CACNA2D3: variants seen among roughly 807,000 people sequenced by gnomAD.
The protein encoded by CACNA2D3 is voltage-dependent calcium channel subunit alpha-2/delta-3.
A neutral mutation model predicts 160.6 loss-of-function variants in CACNA2D3; 60 were observed. The ratio of observed to expected loss-of-function variants is 0.37; its 90% confidence interval spans 0.30 to 0.46. The LOEUF (loss-of-function observed/expected upper bound fraction) is 0.46, where lower values mean the gene tolerates loss of function less well. Ranked by LOEUF, CACNA2D3 falls within the 20% of genes least tolerant of loss-of-function variation. The probability of loss-of-function intolerance (pLI) is 1.00; values close to 1 mark genes in which losing one functional copy is unlikely to be tolerated. For synonymous variants in CACNA2D3, 558 were observed against 492.9 expected, an observed-to-expected ratio of 1.13 and a Z score of -1.75; for missense variants, 1,205 against 1,365.0, an observed-to-expected ratio of 0.88 and a Z score of 1.85.
At chr3:54,567,364 T>G (rs1480254842) in intron 6 of CACNA2D3, among the ~76,000 whole-genome samples, 1 of 152,174 alleles carries the variant, frequency 6.6e-6, no homozygotes, top group Non-Finnish European at 1.5e-5. Context: ...AGGAAGGAAT[T>G]GGGCAGAACT....
At position 54,846,398 on chromosome 3, in the gene CACNA2D3, G is replaced by A. The variant is rs531747910; in HGVS notation, c.1557G>A (p.Gly519=). ...TTTCTTGCTTCCTCTTACAGTTAGGGATTCACGGTTATGCCTTTGCAATCA... is the reference window on the plus strand; with the variant it reads ...TTTCTTGCTTCCTCTTACAGTTAGGAATTCACGGTTATGCCTTTGCAATCA... ...LLKTIPKYKL[G]IHGYAFAITN... is the part of the protein sequence containing the mutation. Residue 519 remains glycine, a synonymous_variant, in exon 17 of 38, where the codon GGG becomes GGA. Transcript: ENST00000474759. 1.9e-6 allele frequency: 3 copies of A among 1,602,904 alleles called. No homozygotes were observed. The African/African-American group carries it at 4.0e-5, about 21-fold the overall frequency.
chr3:54,163,229 T>G (rs1033390155), intron 2 of CACNA2D3, among the ~76,000 whole-genome samples: 2 of 152,220 alleles, frequency 1.3e-5, no homozygotes, highest in African/African-American at 4.8e-5. Flanking sequence ...TATACTGCAG[T>G]AACAACCAAA....
Position 54,414,822 on chromosome 3 carries a change from A to G in CACNA2D3, c.381+28048A>G, listed in dbSNP as rs17053980. On this transcript the variant is annotated intron_variant, in intron 4 of 37. Coordinates refer to ENST00000474759, the MANE Select transcript of CACNA2D3 (RefSeq NM_018398.3). ...TTAACTTTTTTTTTTTTTTTTTCCA[A>G]CTGGGCTTTCTCAGAGCCTGGGGAT... Among the ~76,000 whole-genome samples the G allele has an allele frequency of 9.9e-3, 1,458 of 146,716 alleles. 25 individuals carry two copies. The highest frequency in any genetic ancestry group is 0.034 in the African/African-American group (1,359 of 39,772).
At chr3:54,904,708 C>T (rs557713022) in intron 27 of CACNA2D3, among the ~76,000 whole-genome samples, 10 of 152,016 alleles carry the variant, frequency 6.6e-5, no homozygotes, top group Non-Finnish European at 1.0e-4. Flanking sequence ...CATATGGGAG[C>T]GATACTGGAT....
At chr3:54,807,741 A>G (rs1423983415) in intron 13 of CACNA2D3, among the ~76,000 whole-genome samples, 2 of 152,028 alleles carry the variant, frequency 1.3e-5, no homozygotes, top group South Asian at 2.1e-4. Context: ...TGCTGCTATA[A>G]AGACACATGC....
intron 2 of CACNA2D3, among the ~76,000 whole-genome samples, chr3:54,213,153 A>C (rs1025948917): frequency 6.6e-6 from 1 of 152,140 alleles, no homozygotes; most frequent in African/African-American, 2.4e-5. Flanking sequence ...TGCATCCACA[A>C]ATGGCTCTTG....
intron 29 of CACNA2D3, among the ~76,000 whole-genome samples, chr3:54,979,690 T>C (rs938609542): frequency 3.3e-5 from 5 of 152,164 alleles, no homozygotes; most frequent in African/African-American, 1.2e-4. Context: ...AGAACTCCTG[T>C]TCTGTCATGA....
intron 2 of CACNA2D3, among the ~76,000 whole-genome samples, chr3:54,233,742 G>T (rs1559890580): frequency 6.6e-6 from 1 of 152,178 alleles, no homozygotes; most frequent in South Asian, 2.1e-4. Flanking sequence ...CCCTTCACAG[G>T]TCGAAGAGAA....
At position 54,503,659 on chromosome 3, in the gene CACNA2D3, GAC is replaced by G; in HGVS notation, c.544+6_544+7del. On this transcript the variant is annotated splice_donor_region_variant and intron_variant, in intron 5 of 37. Transcript: ENST00000474759. ...CAACGAACATGTACAACAAAGGTAAGACTCCCAGCCACTGCTCCTTTTAGAAG... is the reference window on the plus strand; with the variant it reads ...CAACGAACATGTACAACAAAGGTAAGTCCCAGCCACTGCTCCTTTTAGAAG... 1 of 1,613,100 alleles carries G rather than the reference GAC, an allele frequency of 6.2e-7. No homozygotes were observed. Among genetic ancestry groups the G allele is most frequent in the Non-Finnish European group, 8.5e-7 (1 of 1,179,256 alleles).
intron 26 of CACNA2D3, among the ~76,000 whole-genome samples, chr3:54,898,089 T>G (rs77100416): frequency 0.017 from 2,034 of 121,176 alleles, 21 homozygotes; most frequent in African/African-American, 0.034. Flanking sequence ...TTGCTTGCTT[T>G]CTTCCTTCCT....
chr3:54,213,153 A>G (rs1025948917), intron 2 of CACNA2D3, among the ~76,000 whole-genome samples: 1 of 152,140 alleles, frequency 6.6e-6, no homozygotes, highest in Non-Finnish European at 1.5e-5. Flanking sequence ...TGCATCCACA[A>G]ATGGCTCTTG....
intron 35 of CACNA2D3, among the ~76,000 whole-genome samples, chr3:55,021,715 GTA>G (rs369889600): frequency 9.0e-4 from 127 of 141,182 alleles, no homozygotes; most frequent in African/African-American, 2.0e-3. Context: ...ATATGTGTGT[GTA>G]TATATATATA....
intron 11 of CACNA2D3, among the ~76,000 whole-genome samples, chr3:54,721,210 C>T (rs1701163521): frequency 1.3e-5 from 2 of 152,054 alleles, no homozygotes; most frequent in Non-Finnish European, 2.9e-5. Flanking sequence ...TAAGCTCACC[C>T]GTCCTTGGTG....
At chr3:54,671,636 C>T (rs147635471) in intron 11 of CACNA2D3, among the ~76,000 whole-genome samples, 242 of 152,156 alleles carry the variant, frequency 1.6e-3, no homozygotes, top group African/African-American at 5.2e-3. Context: ...GGTCTCTGCA[C>T]GGAAATACAG....
At position 54,570,246 on chromosome 3, in the gene CACNA2D3, A is replaced by G. The variant is rs1702474018; in HGVS notation, c.888+142A>G. On this transcript the variant is annotated intron_variant, in intron 8 of 37. Coordinates refer to ENST00000474759, the MANE Select transcript of CACNA2D3 (RefSeq NM_018398.3). ...CCTGGTTAGTCTCATGAAAGTTGAC[A>G]GAGTCATGGACAGTGGAAGGCAGTG... is the stretch of plus-strand genomic sequence containing the variant. 4.4e-6 allele frequency: 4 copies of G among 899,242 alleles called. No homozygotes were observed. The East Asian group carries it at 9.7e-5, about 22-fold the overall frequency. The allele number at this position is 899,242 out of a possible 1,614,324, so 55.7% of individuals were successfully genotyped here. A position where few individuals can be genotyped will look rare whatever the true frequency, so the allele number is the denominator to read the frequency against.
chr3:54,915,367 A>G lies in CACNA2D3; in HGVS notation c.2449+15499A>G, dbSNP rs141404538. On this transcript the variant is annotated intron_variant, in intron 27 of 37. Transcript: ENST00000474759. ...AGGCAAAAATCACCCGTCTGTAGCC[A>G]TACTGTTCTACTAAATATGACGAAA... is the stretch of plus-strand genomic sequence containing the variant. Among the ~76,000 whole-genome samples, 607 of 152,334 alleles carry G rather than the reference A, an allele frequency of 4.0e-3. 4 individuals carry two copies. The highest frequency in any genetic ancestry group is 0.014 in the African/African-American group (581 of 41,576).
chr3:54,684,487 A>G (rs1245313455), intron 11 of CACNA2D3, among the ~76,000 whole-genome samples: 1 of 152,216 alleles, frequency 6.6e-6, no homozygotes, highest in Non-Finnish European at 1.5e-5. Flanking sequence ...ATTCTGGATC[A>G]AGCACATCAT....
intron 10 of CACNA2D3, chr3:54,638,260 C>T (rs938348837): frequency 4.6e-5 from 7 of 151,814 alleles, no homozygotes; most frequent in Non-Finnish European, 1.5e-5. Flanking sequence ...TGCTGCCAAA[C>T]GAGCCATGAA....
At chr3:54,651,030 G>T (rs915903531) in intron 11 of CACNA2D3, among the ~76,000 whole-genome samples, 3 of 152,166 alleles carry the variant, frequency 2.0e-5, no homozygotes, top group Non-Finnish European at 4.4e-5. Context: ...CTAGCATTTG[G>T]TGGACCTGAA....
Sources: allele counts gnomAD v4.1 joint callset (sites outside exome capture counted in the v4.1 genomes callset), GRCh38; gene constraint gnomAD v4.1.1; transcripts MANE v1.5; gene names NCBI Gene and HGNC (gene_info 2026-07-23, HGNC 2026-07-21).